Variants in ARHGEF3 observed in about 807,000 individuals in gnomAD.
ARHGEF3 encodes Rho guanine nucleotide exchange factor 3, also known as 59.8 kDA protein.
A neutral mutation model predicts 63.2 loss-of-function variants in ARHGEF3; 28 were observed. The ratio of observed to expected loss-of-function variants is 0.44; its 90% CI spans 0.33 to 0.61. ARHGEF3 has a LOEUF of 0.61. ARHGEF3 is among the 20% of genes least tolerant of loss of function. The probability of loss-of-function intolerance (pLI) is 0.03; values close to 1 mark genes in which losing one functional copy is unlikely to be tolerated. For missense variants in ARHGEF3, 533 were observed against 659.3 expected, an observed-to-expected ratio of 0.81 and a Z score of 2.10; for synonymous variants, 266 against 254.2, an observed-to-expected ratio of 1.05 and a Z score of -0.44.
At chr3:56,806,560 G>A (rs2037868153), upstream of ARHGEF3, among the ~76,000 whole-genome samples, 2 of 152,252 alleles carry the variant, frequency 1.3e-5, no homozygotes, top group African/African-American at 4.8e-5. Context: ...AAATAAAGAG[G>A]GCTGTTCTGC....
chr3:56,737,844 A>T (rs115210120), intron 7 of ARHGEF3, among the ~76,000 whole-genome samples: 160 of 152,270 alleles, frequency 1.1e-3, no homozygotes, highest in African/African-American at 3.6e-3. Flanking sequence ...CAATATTTGC[A>T]GATTGGGTTT....
chr3:56,854,782 G>A (rs373522754), intron 4 of ARHGEF3, among the ~76,000 whole-genome samples: 83 of 131,156 alleles, frequency 6.3e-4, no homozygotes, highest in African/African-American at 2.2e-3. Flanking sequence ...TGGGGGGGTT[G>A]GGGGGCAGGT....
At chr3:56,811,933 T>C (rs2038082324) in intron 4 of ARHGEF3, among the ~76,000 whole-genome samples, 4 of 152,184 alleles carry the variant, frequency 2.6e-5, no homozygotes, top group Admixed American at 2.6e-4. Flanking sequence ...AAGTACCTCT[T>C]CTTCCCCAGT....
chr3:56,968,319 ATTT>A (rs1484194729), intron 2 of ARHGEF3, among the ~76,000 whole-genome samples: 4 of 58,140 alleles, frequency 6.9e-5, no homozygotes, highest in African/African-American at 2.3e-4. Flanking sequence ...TATAAAATAT[ATTT>A]TATATATATA....
At chr3:56,773,211 G>A (rs749944201) in intron 2 of ARHGEF3, among the ~76,000 whole-genome samples, 8 of 152,082 alleles carry the variant, frequency 5.3e-5, no homozygotes, top group Non-Finnish European at 8.8e-5. Flanking sequence ...ATTTCATGTC[G>A]TTTTCATGTG....
At chr3:56,847,769 G>C (rs2039537753) in intron 4 of ARHGEF3, among the ~76,000 whole-genome samples, 1 of 152,124 alleles carries the variant, frequency 6.6e-6, no homozygotes, top group Non-Finnish European at 1.5e-5. Flanking sequence ...GTAGAGACAG[G>C]GTTTTACCAT....
chr3:56,801,780 G>C lies in ARHGEF3; in HGVS notation c.19C>G (p.Pro7Ala), dbSNP rs376793122. 6.4e-7 allele frequency: 1 copy of C among 1,565,844 alleles called. No homozygotes were observed. The highest frequency in any genetic ancestry group is 1.9e-5 in the Admixed American group (1 of 53,030). The change falls in exon 1 of 10, where the codon CCC becomes GCC. Residue 7 changes from proline to alanine, a missense_variant. Pro to Ala is a conservative substitution (Grantham distance 27). Coordinates refer to ENST00000296315, the MANE Select transcript of ARHGEF3 (RefSeq NM_019555.3). MVAKDY[P>A]FYLTVKRANC... The stretch of plus-strand genomic sequence containing the variant: ...GCTCTCTTGACCGTGAGGTAGAAGG[G>C]GTAATCCTTGGCCACCATGGCGGCT...
intron 2 of ARHGEF3, among the ~76,000 whole-genome samples, chr3:56,985,255 AT>A (rs1463152276): frequency 6.6e-6 from 1 of 152,172 alleles, no homozygotes; most frequent in Non-Finnish European, 1.5e-5. Flanking sequence ...TGACCAGCTA[AT>A]TTTTGTATTT....
intron 2 of ARHGEF3, among the ~76,000 whole-genome samples, chr3:56,979,643 A>G (rs1390021321): frequency 1.3e-5 from 2 of 152,216 alleles, no homozygotes; most frequent in African/African-American, 4.8e-5. Flanking sequence ...GGTGGTGCTT[A>G]TCCTAGATCG....
intron 2 of ARHGEF3, among the ~76,000 whole-genome samples, chr3:57,007,865 A>G (rs1702528719): frequency 6.6e-6 from 1 of 152,242 alleles, no homozygotes; most frequent in East Asian, 1.9e-4. Context: ...CATAACAGGA[A>G]ACATTCATTT....
intron 1 of ARHGEF3, among the ~76,000 whole-genome samples, chr3:57,066,842 G>C (rs1446340819): frequency 1.3e-5 from 2 of 152,146 alleles, no homozygotes; most frequent in Non-Finnish European, 2.9e-5. Flanking sequence ...TCTACCCAGA[G>C]AGCCTTTGGG....
At chr3:56,743,325 A>G (rs975023866) in intron 7 of ARHGEF3, among the ~76,000 whole-genome samples, 2 of 152,220 alleles carry the variant, frequency 1.3e-5, no homozygotes, top group Non-Finnish European at 2.9e-5. Context: ...GTGACCAGAC[A>G]GCTCTCCACA....
At chr3:56,852,679 T>G (rs1296406520) in intron 4 of ARHGEF3, among the ~76,000 whole-genome samples, 1 of 141,036 alleles carries the variant, frequency 7.1e-6, no homozygotes, top group Non-Finnish European at 1.5e-5. Context: ...CCTACCGAAT[T>G]GTCACAAGTT....
chr3:57,055,186 A>C, intron 1 of ARHGEF3, among the ~76,000 whole-genome samples: 1 of 143,840 alleles, frequency 7.0e-6, no homozygotes, highest in Non-Finnish European at 1.5e-5. Flanking sequence ...TTTTGAGACG[A>C]AGTCCAACTC....
intron 3 of ARHGEF3, among the ~76,000 whole-genome samples, chr3:56,945,946 C>T (rs948257753): frequency 4.6e-5 from 7 of 152,184 alleles, no homozygotes; most frequent in Non-Finnish European, 8.8e-5. Context: ...GAGGAACGAT[C>T]AGGCAGCAGC....
At chr3:57,044,718 A>G (rs1704373050) in intron 1 of ARHGEF3, among the ~76,000 whole-genome samples, 1 of 152,148 alleles carries the variant, frequency 6.6e-6, no homozygotes, top group Admixed American at 6.5e-5. Context: ...TCAGTCCTCA[A>G]GGTCATATCA....
rs1262222457 is a variant in ARHGEF3 at position 56,793,208 on chromosome 3, C to T, written c.96+8495G>A. 1.0e-4 allele frequency among the ~76,000 whole-genome samples: 15 copies of T among 146,146 alleles called. No homozygotes were observed. The East Asian group carries it at 1.8e-3, about 18-fold the overall frequency. ...TTTTTGAGATGGAGTCTTGCTCTGT[C>T]GCCCAGGCTGGAGTGCAGTGGCGCA... On this transcript the variant is annotated intron_variant, in intron 1 of 9. Coordinates refer to ENST00000296315, the MANE Select transcript of ARHGEF3 (RefSeq NM_019555.3).
intron 2 of ARHGEF3, among the ~76,000 whole-genome samples, chr3:56,967,943 T>A (rs1358568044): frequency 1.6e-4 from 10 of 63,784 alleles, no homozygotes; most frequent in East Asian, 6.3e-4. Flanking sequence ...TAAAATATAT[T>A]ATATATTATA....
chr3:56,995,362 T>C (rs1440009117), intron 2 of ARHGEF3, among the ~76,000 whole-genome samples: 3 of 152,094 alleles, frequency 2.0e-5, no homozygotes, highest in African/African-American at 7.2e-5. Context: ...TGATTTGTTG[T>C]ATCAAAGAGT....
Sources: gnomAD v4.1 joint callset for allele counts (sites outside exome capture counted in the v4.1 genomes callset) on GRCh38, gnomAD v4.1.1 for gene constraint, MANE v1.5 for transcripts, NCBI Gene and HGNC (gene_info 2026-07-23, HGNC 2026-07-21) for gene names.